The following PIP5K1B variants were observed in gnomAD, a reference collection of about 807,000 sequenced individuals.
PIP5K1B encodes the protein phosphatidylinositol-4-phosphate 5-kinase type 1 beta, also known as phosphatidylinositol 4-phosphate 5-kinase type-1 beta.
In PIP5K1B, 42 loss-of-function variants were observed where a neutral mutation model predicts 67.0. The ratio of observed to expected loss-of-function variants is 0.63; its 90% confidence interval spans 0.49 to 0.81. The LOEUF is 0.81. Ranked by LOEUF, PIP5K1B falls within the 30% of genes least tolerant of loss-of-function variation. The pLI, the probability that PIP5K1B is intolerant of heterozygous loss-of-function variation, is 0.00. For missense variants in PIP5K1B, 459 were observed against 646.3 expected, an observed-to-expected ratio of 0.71 and a Z score of 3.14; for synonymous variants, 214 against 231.4, an observed-to-expected ratio of 0.92 and a Z score of 0.68.
intron 2 of PIP5K1B, among the ~76,000 whole-genome samples, chr9:68,754,175 C>CTTTTTTTTTTTTCTTTTTT (rs71353081): frequency 9.9e-6 from 1 of 101,076 alleles, no homozygotes; most frequent in African/African-American, 4.1e-5. Flanking sequence ...TCCATGATTT[C>CTTTTTTTTTTTTCTTTTTT]TTTTTTTTTT....
intron 11 of PIP5K1B, among the ~76,000 whole-genome samples, chr9:68,921,606 G>T (rs111757976): frequency 0.018 from 2,779 of 152,040 alleles, 70 homozygotes; most frequent in African/African-American, 0.06. Context: ...CCAACACTTT[G>T]GGGGGAGACC....
intron 12 of PIP5K1B, among the ~76,000 whole-genome samples, chr9:68,923,886 T>C (rs187554248): frequency 1.2e-3 from 177 of 152,270 alleles, no homozygotes; most frequent in African/African-American, 3.8e-3. Context: ...GTATCTTTTC[T>C]GATCACAATG....
intron 1 of PIP5K1B, among the ~76,000 whole-genome samples, chr9:68,735,614 T>C (rs1828701048): frequency 6.6e-6 from 1 of 152,220 alleles, no homozygotes; most frequent in Admixed American, 6.5e-5. Context: ...GGTCTCGAAC[T>C]CCTGGACTCA....
At chr9:68,903,615 T>G (rs1587643454) in intron 8 of PIP5K1B, among the ~76,000 whole-genome samples, 1 of 152,138 alleles carries the variant, frequency 6.6e-6, no homozygotes, top group South Asian at 2.1e-4. Flanking sequence ...TTAGTTCTGC[T>G]GAAAGTAGGG....
In PIP5K1B at chr9:68,916,677, G is replaced by A. The variant is rs531481078; in HGVS notation, c.772-871G>A. ...TCATGGGGTCATGGGTTCGAGACCA[G>A]CCTGGCCAACATGGTGAAACCCTGT... is the stretch of plus-strand genomic sequence containing the variant. On this transcript the variant is annotated intron_variant, in intron 8 of 15. Transcript: ENST00000265382. Among the ~76,000 whole-genome samples, 5 of 152,144 alleles carry A rather than the reference G, an allele frequency of 3.3e-5. No individual in the cohort carries two copies. In the South Asian group the frequency reaches 1.0e-3, roughly 32 times the overall value.
At position 68,780,141 on chromosome 9, in the gene PIP5K1B, C is replaced by T. The variant is rs568954308; in HGVS notation, c.-86+37484C>T. The T allele has an allele frequency of 9.3e-6, 14 of 1,508,084 alleles. No individual in the cohort carries two copies. In the South Asian group the frequency reaches 1.1e-4, roughly 12 times the overall value. The allele number at this position is 1,508,084 out of a possible 1,614,324, so 93.4% of individuals were successfully genotyped here. ...GAATCCTAGGTCCCTGACTGAGCAC[C>T]TCCCCCGCCTCCCTGCCCCCGACAT... is the stretch of plus-strand genomic sequence containing the variant. On this transcript the variant is annotated intron_variant, in intron 2 of 15. Transcript: ENST00000265382.
intron 5 of PIP5K1B, among the ~76,000 whole-genome samples, chr9:68,874,160 A>G (rs1404969016): frequency 6.6e-6 from 1 of 151,960 alleles, no homozygotes; most frequent in East Asian, 1.9e-4. Flanking sequence ...TATTATGCCC[A>G]CTCCTTTTCA....
Position 68,863,978 on chromosome 9 carries a change from T to C in PIP5K1B, c.200+11T>C. 6.2e-7 allele frequency: 1 copy of C among 1,612,574 alleles called. No individual in the cohort carries two copies. The highest frequency in any genetic ancestry group is 1.7e-4 in the Middle Eastern group (1 of 5,944). ...TGTGTTCCTACCCAGGTAAGAACAT[T>C]TTTATTTGTGATGATTTCCATGCTA... On this transcript the variant is annotated intron_variant, in intron 5 of 15. Transcript: ENST00000265382.
At chr9:68,969,568 A>G (rs1829245531) in intron 14 of PIP5K1B, among the ~76,000 whole-genome samples, 1 of 152,156 alleles carries the variant, frequency 6.6e-6, no homozygotes, top group Admixed American at 6.5e-5. Flanking sequence ...AGATTTTTAA[A>G]ACAAGACTTT....
intron 14 of PIP5K1B, among the ~76,000 whole-genome samples, chr9:68,989,880 T>C (rs1830282606): frequency 1.3e-5 from 2 of 151,922 alleles, no homozygotes; most frequent in African/African-American, 4.8e-5. Context: ...CTCGGGAGGC[T>C]GAGGCAAGAG....
chr9:68,891,564 A>G (rs1824790351), intron 7 of PIP5K1B, among the ~76,000 whole-genome samples: 1 of 152,190 alleles, frequency 6.6e-6, no homozygotes, highest in Non-Finnish European at 1.5e-5. Flanking sequence ...TCTAGAAACA[A>G]TAGGAATAGA....
At chr9:68,868,170 T>C (rs1823451220) in intron 5 of PIP5K1B, among the ~76,000 whole-genome samples, 1 of 152,184 alleles carries the variant, frequency 6.6e-6, no homozygotes, top group African/African-American at 2.4e-5. Flanking sequence ...ATCATGATCA[T>C]ATCTTAATAT....
chr9:68,743,392 TG>T, intron 2 of PIP5K1B, among the ~76,000 whole-genome samples: 1 of 152,130 alleles, frequency 6.6e-6, no homozygotes, highest in East Asian at 1.9e-4. Flanking sequence ...AGTATAAAGT[TG>T]GGGTTTCGCT....
At chr9:68,807,787 T>G (rs980077186) in intron 2 of PIP5K1B, among the ~76,000 whole-genome samples, 1 of 152,106 alleles carries the variant, frequency 6.6e-6, no homozygotes, top group African/African-American at 2.4e-5. Context: ...AAGAGGAAAA[T>G]AGCTTAGAAA....
intron 14 of PIP5K1B, among the ~76,000 whole-genome samples, chr9:68,978,283 C>T (rs904071033): frequency 4.6e-5 from 7 of 152,188 alleles, no homozygotes; most frequent in African/African-American, 7.2e-5. Context: ...TCCTCACTTC[C>T]TCTTCTTTCC....
intron 6 of PIP5K1B, among the ~76,000 whole-genome samples, chr9:68,882,737 C>G (rs1188704463): frequency 6.6e-6 from 1 of 152,200 alleles, no homozygotes; most frequent in Non-Finnish European, 1.5e-5. Flanking sequence ...TGCCATGGAA[C>G]AAAGAATCCA....
At chr9:68,715,096 G>A (rs1319008195) in intron 1 of PIP5K1B, among the ~76,000 whole-genome samples, 1 of 152,200 alleles carries the variant, frequency 6.6e-6, no homozygotes, top group Admixed American at 6.5e-5. Context: ...TTGAGGAAAA[G>A]GCCTGGGTTG....
At chr9:68,877,203 T>C (rs1195372099) in intron 6 of PIP5K1B, among the ~76,000 whole-genome samples, 1 of 152,208 alleles carries the variant, frequency 6.6e-6, no homozygotes, top group Non-Finnish European at 1.5e-5. Flanking sequence ...ACCTACAAAT[T>C]TGAGTAAACA....
At chr9:68,741,299 A>G (rs567070199) in intron 1 of PIP5K1B, among the ~76,000 whole-genome samples, 1 of 152,264 alleles carries the variant, frequency 6.6e-6, no homozygotes, top group South Asian at 2.1e-4. Context: ...TTTTATCCAA[A>G]ACTAGATTTC....
Sources: allele counts gnomAD v4.1 joint callset (sites outside exome capture counted in the v4.1 genomes callset), GRCh38; gene constraint gnomAD v4.1.1; transcripts MANE v1.5; gene names NCBI Gene and HGNC (gene_info 2026-07-23, HGNC 2026-07-21).